Variants in UTRN observed in about 807,000 individuals in gnomAD.
UTRN encodes dystrophin-related protein 1.
In UTRN, 283 loss-of-function variants were observed where a neutral mutation model predicts 463.9. The ratio of observed to expected loss-of-function variants is 0.61; its 90% CI spans 0.55 to 0.67. The LOEUF is 0.67. Ranked by LOEUF, UTRN falls within the 30% of genes least tolerant of loss-of-function variation. UTRN has a pLI of 0.00. For synonymous variants in UTRN, 1,442 were observed against 1,431.5 expected, an observed-to-expected ratio of 1.01 and a Z score of -0.17; for missense variants, 3,922 against 4,084.3, an observed-to-expected ratio of 0.96 and a Z score of 1.08.
chr6:144,550,883 T>C, intron 47 of UTRN, 82 bp from the exon 48 acceptor site: 1 of 1,235,668 alleles, frequency 8.1e-7, no homozygotes, highest in Non-Finnish European at 1.1e-6. Flanking sequence ...AACGACAACT[T>C]TGATGTCAGC....
At chr6:144,552,938 A>G (rs560988806) in intron 48 of UTRN, among the ~76,000 whole-genome samples, 2 of 152,338 alleles carry the variant, frequency 1.3e-5, no homozygotes, top group Admixed American at 1.3e-4. Flanking sequence ...TAAGCAATTT[A>G]TTTAAACAGC....
At chr6:144,542,413 G>A (rs1044717918) in intron 45 of UTRN, among the ~76,000 whole-genome samples, 2 of 152,178 alleles carry the variant, frequency 1.3e-5, no homozygotes, top group African/African-American at 2.4e-5. Context: ...CAACACAGCT[G>A]CCCTGAAGGA....
intron 51 of UTRN, among the ~76,000 whole-genome samples, chr6:144,658,172 G>A (rs1488395828): frequency 2.0e-5 from 3 of 152,152 alleles, no homozygotes; most frequent in Non-Finnish European, 4.4e-5. Context: ...GAAATCAAAT[G>A]TGCGTTGAGG....
intron 3 of UTRN, among the ~76,000 whole-genome samples, chr6:144,406,356 C>CT (rs57721924): frequency 0.1 from 12,810 of 124,304 alleles, 718 homozygotes; most frequent in African/African-American, 0.17. Flanking sequence ...TTTTTCTTTT[C>CT]TTTTTTTTTT....
chr6:144,429,753 AT>A lies in UTRN; in HGVS notation c.855+16del, dbSNP rs756853788. The A allele has an allele frequency of 1.9e-6, 3 of 1,601,340 alleles. No homozygotes were observed. Among genetic ancestry groups the A allele is most frequent in the Non-Finnish European group, 1.7e-6 (2 of 1,176,454 alleles). On this transcript the variant is annotated intron_variant, in intron 9 of 74. Coordinates refer to ENST00000367545, the MANE Select transcript of UTRN (RefSeq NM_007124.3). The stretch of plus-strand genomic sequence containing the variant: ...CAATTAATATACAGGTACAGGTAAC[AT>A]TTTATTAAGATGTTTGGCTTGCCGT...
At chr6:144,759,104 T>A (rs1792345674) in intron 58 of UTRN, among the ~76,000 whole-genome samples, 1 of 152,070 alleles carries the variant, frequency 6.6e-6, no homozygotes, top group Non-Finnish European at 1.5e-5. Context: ...TTGCATAATA[T>A]ATAATAAATA....
intron 50 of UTRN, among the ~76,000 whole-genome samples, chr6:144,561,162 A>G (rs1310255838): frequency 2.1e-5 from 3 of 141,478 alleles, no homozygotes; most frequent in African/African-American, 5.2e-5. Flanking sequence ...CTAAAATGCT[A>G]TTTTAGCTGT....
rs541650610 is a variant in UTRN at position 144,345,136 on chromosome 6, C to T, written c.79+53229C>T. 2.0e-5 allele frequency among the ~76,000 whole-genome samples: 3 copies of T among 152,106 alleles called. No individual in the cohort carries two copies. The Middle Eastern group carries it at 0.01, about 517-fold the overall frequency. On this transcript the variant is annotated intron_variant, in intron 2 of 74. Coordinates refer to ENST00000367545, the MANE Select transcript of UTRN (RefSeq NM_007124.3). The stretch of plus-strand genomic sequence containing the variant: ...TCCTTTCTTGTGGAATTACTCTTTC[C>T]CTCTTAATGTTTTCCTTCTTAGCTT...
At chr6:144,353,013 G>A (rs972528036) in intron 2 of UTRN, among the ~76,000 whole-genome samples, 1 of 152,026 alleles carries the variant, frequency 6.6e-6, no homozygotes, top group Admixed American at 6.5e-5. Flanking sequence ...CATGAGCTAG[G>A]TTCACTGTAG....
intron 54 of UTRN, among the ~76,000 whole-genome samples, chr6:144,742,967 C>T (rs1370447055): frequency 6.6e-6 from 1 of 152,082 alleles, no homozygotes; most frequent in Non-Finnish European, 1.5e-5. Context: ...CCTGAAATGA[C>T]TTTGTAAGGT....
chr6:144,685,507 C>T (rs949780173), intron 52 of UTRN, among the ~76,000 whole-genome samples: 12 of 152,142 alleles, frequency 7.9e-5, no homozygotes, highest in Admixed American at 1.3e-4. Context: ...CCCATTTCAC[C>T]ACATCCTCAT....
At chr6:144,634,073 G>A (rs1585687707) in intron 51 of UTRN, among the ~76,000 whole-genome samples, 2 of 152,352 alleles carry the variant, frequency 1.3e-5, no homozygotes, top group South Asian at 4.1e-4. Context: ...CCCCATTCAG[G>A]CAAACTATAA....
intron 2 of UTRN, 78 bp from the exon 3 acceptor site, chr6:144,403,045 G>T: frequency 7.6e-7 from 1 of 1,313,254 alleles, no homozygotes. Flanking sequence ...CTCCAGGATA[G>T]AGATAACCTT....
At chr6:144,326,465 C>G (rs1775980970) in intron 2 of UTRN, among the ~76,000 whole-genome samples, 1 of 152,038 alleles carries the variant, frequency 6.6e-6, no homozygotes, top group South Asian at 2.1e-4. Context: ...TGTAAATATC[C>G]AAATTATTTT....
At chr6:144,690,251 C>T (rs1047841680) in intron 52 of UTRN, among the ~76,000 whole-genome samples, 9 of 151,090 alleles carry the variant, frequency 6.0e-5, no homozygotes, top group African/African-American at 2.2e-4. Flanking sequence ...GGACAGTTTG[C>T]TGGCTGCTGG....
intron 61 of UTRN, among the ~76,000 whole-genome samples, chr6:144,785,697 T>C (rs1776237917): frequency 6.6e-6 from 1 of 152,202 alleles, no homozygotes; most frequent in Non-Finnish European, 1.5e-5. Flanking sequence ...AACATTGGCA[T>C]CTTAATTTTT....
In UTRN at chr6:144,458,907, G is replaced by A. The variant is rs750130957; in HGVS notation, c.2422G>A (p.Asp808Asn). ...TATAAATGCTTATTTCAAGCAGCTTGATGAGCTTGAAAAGGTCATCAAGAC... is the reference window on the plus strand; with the variant it reads ...TATAAATGCTTATTTCAAGCAGCTTAATGAGCTTGAAAAGGTCATCAAGAC... Reference protein sequence around the residue: ...EDINAYFKQLDELEKVIKTKE... With the variant: ...EDINAYFKQLNELEKVIKTKE... The change falls in exon 20 of 75, where the codon GAT becomes AAT. Residue 808 changes from aspartate (D) to asparagine (N), a missense_variant. Around this residue, in one of 3 missense-constraint regions of UTRN, gnomAD observed 2,349 missense variants for 2,303.8 expected, o/e 1.02. Coordinates refer to ENST00000367545, the MANE Select transcript of UTRN (RefSeq NM_007124.3). 35 of 1,613,748 alleles carry A rather than the reference G, an allele frequency of 2.2e-5. No individual in the cohort carries two copies. The highest frequency in any genetic ancestry group is 2.9e-5 in the Non-Finnish European group (34 of 1,179,964).
At chr6:144,397,550 G>A (rs368296354) in intron 2 of UTRN, among the ~76,000 whole-genome samples, 12 of 152,146 alleles carry the variant, frequency 7.9e-5, no homozygotes, top group African/African-American at 2.9e-4. Flanking sequence ...GATTGTCTTA[G>A]CCTTATTTTG....
chr6:144,805,296 G>A (rs946033148), intron 65 of UTRN, among the ~76,000 whole-genome samples: 11 of 152,214 alleles, frequency 7.2e-5, no homozygotes, highest in South Asian at 4.2e-4. Context: ...AATGAACAAG[G>A]AAACGAATAA....
Sources: gnomAD v4.1 joint callset for allele counts (sites outside exome capture counted in the v4.1 genomes callset) on GRCh38, gnomAD v4.1.1 for gene constraint, gnomAD v4.1.1 regional missense constraint, MANE v1.5 for transcripts, NCBI Gene and HGNC (gene_info 2026-07-23, HGNC 2026-07-21) for gene names.